The following ODF2 variants were observed in gnomAD, a reference collection of about 807,000 sequenced individuals.
ODF2 encodes outer dense fiber of sperm tails 2.
Under a neutral mutation model 110.2 loss-of-function variants are expected in ODF2, and 47 were observed. The observed-to-expected ratio is 0.43, with a 90% CI of 0.34 to 0.54. The LOEUF is 0.54. Among genes scored for constraint, ODF2 ranks in the 20% least tolerant of loss-of-function variants. ODF2 has a pLI of 0.03. For synonymous variants in ODF2, 352 were observed against 397.7 expected, an observed-to-expected ratio of 0.89 and a Z score of 1.37; for missense variants, 812 against 1,054.5, an observed-to-expected ratio of 0.77 and a Z score of 3.19.
chr9:128,491,828 G>A (rs778961097), intron 14 of ODF2, among the ~76,000 whole-genome samples: 4 of 151,514 alleles, frequency 2.6e-5, no homozygotes, highest in Non-Finnish European at 5.9e-5. Flanking sequence ...AAGTCATTAA[G>A]CATTAGGATT....
intron 11 of ODF2, 140 bp downstream of exon 11, chr9:128,484,194 CAG>C: frequency 1.5e-6 from 1 of 660,176 alleles, no homozygotes; most frequent in Non-Finnish European, 2.7e-6. Context: ...ACTCAGGCCT[CAG>C]AGACATTCCA....
chr9:128,472,179 C>T (rs1840188808), intron 6 of ODF2, among the ~76,000 whole-genome samples: 1 of 152,114 alleles, frequency 6.6e-6, no homozygotes, highest in South Asian at 2.1e-4. Flanking sequence ...ACTCTGGAGG[C>T]TGAGGCAGGA....
At chr9:128,455,553 CAAAAAAAA>C (rs55634490), upstream of ODF2, among the ~76,000 whole-genome samples, 12 of 56,834 alleles carry the variant, frequency 2.1e-4, no homozygotes, top group African/African-American at 9.3e-4. Context: ...GAATCTGTCT[CAAAAAAAA>C]AAAAAAAAAA....
At chr9:128,487,804 AACACACACACACACAC>A (rs5900801) in intron 13 of ODF2, 70 bp from the exon 14 acceptor site, 19 of 78,830 alleles carry the variant, frequency 2.4e-4, no homozygotes, top group African/African-American at 1.6e-3. Flanking sequence ...AAACAAACAA[AACACACACACACACAC>A]ACACACACAC....
chr9:128,495,787 CT>C (rs1219785293), intron 17 of ODF2, among the ~76,000 whole-genome samples: 1 of 152,198 alleles, frequency 6.6e-6, no homozygotes, highest in African/African-American at 2.4e-5. Context: ...GTGGCCTCCC[CT>C]GATCGAGAAA....
Position 128,459,596 on chromosome 9 carries a change from C to T in ODF2, c.62C>T (p.Thr21Met), listed in dbSNP as rs371327851. 4.3e-6 allele frequency: 7 copies of T among 1,613,862 alleles called. No homozygotes were observed. Among genetic ancestry groups the T allele is most frequent in the East Asian group, 2.2e-5 (1 of 44,892 alleles). ...CCATCGTGTGGGAAGAACGGAGTAA[C>T]GAGTCTCACGCAGAAAAAGGTCTTG... Residue 21 changes from threonine to methionine, a missense_variant, in exon 3 of 21, where the codon ACG becomes ATG. Around this residue, in one of 5 missense-constraint regions of ODF2, gnomAD observed 121 missense variants for 123.7 expected, o/e 0.98. Coordinates refer to ENST00000604420, the Ensembl canonical transcript of ODF2.
At chr9:128,474,869 T>G (rs1225910783) in intron 8 of ODF2, among the ~76,000 whole-genome samples, 3 of 144,340 alleles carry the variant, frequency 2.1e-5, no homozygotes, top group African/African-American at 7.7e-5. Flanking sequence ...GAGGCTAAGG[T>G]AGGAGAATCA....
At position 128,460,937 on chromosome 9, in the gene ODF2, C is replaced by T. The variant is rs1477495428; in HGVS notation, c.124-5C>T. 1 of 1,614,132 alleles carries T rather than the reference C, an allele frequency of 6.2e-7. No individual in the cohort carries two copies. The highest frequency in any genetic ancestry group is 8.5e-7 in the Non-Finnish European group (1 of 1,180,008). On this transcript the variant is annotated splice_region_variant and splice_polypyrimidine_tract_variant and intron_variant, in intron 3 of 20. Coordinates refer to ENST00000604420, the Ensembl canonical transcript of ODF2. The stretch of plus-strand genomic sequence containing the variant: ...AAGTGACCCTGGGTTTGTCCCTTTC[C>T]ACAGAAATCTCACAAGCGAGGAATG...
intron 4 of ODF2, 105 bp from the exon 5 acceptor site, chr9:128,469,078 T>C (rs553079829): frequency 1.1e-4 from 120 of 1,064,850 alleles, no homozygotes; most frequent in Non-Finnish European, 1.6e-4. Context: ...CCGAGTTAGC[T>C]GTTACAGCTT....
intron 17 of ODF2, 25 bp from the exon 18 acceptor site, chr9:128,496,015 AC>A (rs769908693): frequency 6.2e-7 from 1 of 1,612,836 alleles, no homozygotes; most frequent in South Asian, 1.1e-5. Flanking sequence ...TCCTTTGTAA[AC>A]CAGTCTGTGT....
Position 128,485,494 on chromosome 9 carries a change from A to C in ODF2, c.1400+20A>C. The C allele has an allele frequency of 7.2e-7, 1 of 1,387,074 alleles. No homozygotes were observed. Among genetic ancestry groups the C allele is most frequent in the Non-Finnish European group, 1.0e-6 (1 of 976,454 alleles). 85.9% of individuals were successfully genotyped at this position (1,387,074 alleles called of 1,614,324 possible). A position where few individuals can be genotyped will look rare whatever the true frequency, so the allele number is the denominator to read the frequency against. On this transcript the variant is annotated intron_variant, in intron 13 of 20. Transcript: ENST00000604420. The surrounding 1 kb of genome is among the most constrained non-coding windows in gnomAD (Gnocchi z 5.0). The stretch of plus-strand genomic sequence containing the variant: ...GAATGAGTACGTCTTAGAGTAGGAG[A>C]GGGAATGTGGCGCTGTTGAGGGACT...
chr9:128,481,994 G>A (rs1440571498), intron 9 of ODF2, among the ~76,000 whole-genome samples: 4 of 152,186 alleles, frequency 2.6e-5, no homozygotes, highest in African/African-American at 9.7e-5. Context: ...TTTGGACTCA[G>A]TAATCCTAAT....
intron 2 of ODF2, 22 bp from the exon 2 acceptor site, chr9:128,459,545 T>A: frequency 6.3e-7 from 1 of 1,598,856 alleles, no homozygotes; most frequent in Non-Finnish European, 8.6e-7. Flanking sequence ...GCTTACAATC[T>A]GGTTCTTGTG....
chr9:128,484,717 G>A (rs1031002229), exon 12 of ODF2: 2 of 1,575,076 alleles, frequency 1.3e-6, no homozygotes, highest in Non-Finnish European at 1.7e-6. Context: ...GAGCGCAGCG[G>A]GAATCAGCAT....
chr9:128,492,278 C>A, intron 14 of ODF2, 148 bp from the exon 15 acceptor site: 1 of 636,800 alleles, frequency 1.6e-6, no homozygotes, highest in South Asian at 1.8e-5. Context: ...GGAGTCTTAC[C>A]TGCTTCTCGG....
intron 14 of ODF2, among the ~76,000 whole-genome samples, chr9:128,490,872 A>G (rs1844409086): frequency 6.6e-6 from 1 of 152,132 alleles, no homozygotes; most frequent in Non-Finnish European, 1.5e-5. Context: ...ATACACCATG[A>G]TTTATATTGT....
chr9:128,486,356 A>G (rs1843354498), intron 13 of ODF2, among the ~76,000 whole-genome samples: 1 of 152,254 alleles, frequency 6.6e-6, no homozygotes, highest in Non-Finnish European at 1.5e-5. Context: ...TACCTAAGAC[A>G]GAAGCATACA....
At chr9:128,469,030 C>G in intron 4 of ODF2, 153 bp from the exon 5 acceptor site, 1 of 620,344 alleles carries the variant, frequency 1.6e-6, no homozygotes, top group East Asian at 2.7e-5. Context: ...AGGTAATGTT[C>G]CATCACAAGG....
chr9:128,456,298 AC>A, intron 1 of ODF2, 43 bp downstream of exon 1: 1 of 1,504,134 alleles, frequency 6.6e-7, no homozygotes. Flanking sequence ...CCTCCGGGGC[AC>A]CGCGGGCGAG....
Sources: gnomAD v4.1 joint callset for allele counts (sites outside exome capture counted in the v4.1 genomes callset) on GRCh38, gnomAD v4.1.1 for gene constraint, gnomAD v4.1.1 regional missense constraint, Gnocchi (gnomAD v3.1) non-coding constraint, MANE v1.5 for transcripts, NCBI Gene and HGNC (gene_info 2026-07-23, HGNC 2026-07-21) for gene names.